SPATS2L: variants seen among roughly 807,000 people sequenced by gnomAD.
SPATS2L encodes spermatogenesis associated serine rich 2 like.
In SPATS2L, 30 loss-of-function variants were observed where a neutral mutation model predicts 59.6. The ratio of observed to expected loss-of-function variants is 0.50; its 90% CI spans 0.38 to 0.68. SPATS2L has a LOEUF of 0.68. SPATS2L is among the 30% of genes least tolerant of loss of function. SPATS2L has a pLI of 0.00. For missense variants in SPATS2L, 615 were observed against 700.0 expected, an observed-to-expected ratio of 0.88 and a Z score of 1.37; for synonymous variants, 252 against 263.5, an observed-to-expected ratio of 0.96 and a Z score of 0.42.
chr2:200,408,670 G>C (rs1262499703), intron 3 of SPATS2L, among the ~76,000 whole-genome samples: 2 of 152,218 alleles, frequency 1.3e-5, no homozygotes, highest in African/African-American at 4.8e-5. Flanking sequence ...CTCAGGTGCA[G>C]AGAAGGCAAG....
At chr2:200,328,931 C>G (rs1054264138) in intron 1 of SPATS2L, among the ~76,000 whole-genome samples, 2 of 152,126 alleles carry the variant, frequency 1.3e-5, no homozygotes, top group African/African-American at 2.4e-5. Context: ...GGTGAATAGT[C>G]CAGGCTCTGG....
At chr2:200,314,373 C>T (rs192906918) in intron 1 of SPATS2L, among the ~76,000 whole-genome samples, 3 of 152,300 alleles carry the variant, frequency 2.0e-5, no homozygotes, top group Non-Finnish European at 2.9e-5. Context: ...TGCCGTGGTT[C>T]GGGCCCTCAT....
At chr2:200,314,800 TGC>T (rs2079311356) in intron 1 of SPATS2L, among the ~76,000 whole-genome samples, 1 of 152,216 alleles carries the variant, frequency 6.6e-6, no homozygotes, top group African/African-American at 2.4e-5. Flanking sequence ...AGTTGAGATG[TGC>T]GTAAGTGTAA....
intron 8 of SPATS2L, among the ~76,000 whole-genome samples, chr2:200,448,107 TTATACTCC>T (rs2085175123): frequency 2.9e-4 from 44 of 151,908 alleles, no homozygotes; most frequent in Admixed American, 2.9e-3. Flanking sequence ...GATCATGCCA[TTATACTCC>T]AGGCTGGGCA....
At chr2:200,319,438 G>A (rs1559035774) in intron 1 of SPATS2L, among the ~76,000 whole-genome samples, 1 of 152,106 alleles carries the variant, frequency 6.6e-6, no homozygotes, top group Non-Finnish European at 1.5e-5. Flanking sequence ...GGTGGCGTAT[G>A]CCTGTAATCC....
rs373180926 is a variant in SPATS2L at position 200,472,782 on chromosome 2, C to T, written c.1061-50C>T. ...AGCGCTTCCTAATGGGTTACTGAGG[C>T]AGCAGTGTTGGAGGTGCAGCTCGTA... On this transcript the variant is annotated intron_variant, in intron 11 of 12. Coordinates refer to ENST00000409140, the MANE Select transcript of SPATS2L (RefSeq NM_001100423.2). The T allele has an allele frequency of 5.7e-5, 85 of 1,493,204 alleles. 2 individuals carry two copies. The Middle Eastern group carries it at 2.1e-3, about 36-fold the overall frequency. The allele number at this position is 1,493,204 out of a possible 1,614,324, so 92.5% of individuals were successfully genotyped here.
intron 2 of SPATS2L, among the ~76,000 whole-genome samples, chr2:200,345,453 G>C (rs2105830386): frequency 6.6e-6 from 1 of 151,966 alleles, no homozygotes; most frequent in African/African-American, 2.4e-5. Context: ...TGTGTGCTGT[G>C]ATTTTGAAAA....
At chr2:200,455,324 G>C (rs796909024) in intron 8 of SPATS2L, among the ~76,000 whole-genome samples, 49 of 152,342 alleles carry the variant, frequency 3.2e-4, no homozygotes, top group African/African-American at 1.1e-3. Context: ...AAGACCTGAA[G>C]GAGGACTCAG....
intron 2 of SPATS2L, among the ~76,000 whole-genome samples, chr2:200,386,253 T>A (rs1294347403): frequency 6.6e-6 from 1 of 152,044 alleles, no homozygotes; most frequent in Non-Finnish European, 1.5e-5. Flanking sequence ...AAGGAATGGG[T>A]CCCTGTAATT....
intron 8 of SPATS2L, among the ~76,000 whole-genome samples, chr2:200,449,423 G>A (rs565721801): frequency 3.9e-5 from 6 of 152,306 alleles, no homozygotes; most frequent in Middle Eastern, 3.4e-3. Context: ...AGTCAGCTCC[G>A]CTGGCACTGC....
At chr2:200,361,651 G>A (rs924214881) in intron 2 of SPATS2L, among the ~76,000 whole-genome samples, 19 of 152,278 alleles carry the variant, frequency 1.2e-4, no homozygotes, top group Admixed American at 2.0e-4. Context: ...TAAGTTGACC[G>A]CTAGATTTAC....
At chr2:200,459,906 C>T (rs761928543) in intron 9 of SPATS2L, 79 bp downstream of exon 9, 106 of 1,080,580 alleles carry the variant, frequency 9.8e-5, no homozygotes, top group East Asian at 4.9e-4. Flanking sequence ...ACAATGATAC[C>T]GGCTTCTGAA....
intron 6 of SPATS2L, among the ~76,000 whole-genome samples, chr2:200,433,026 G>T (rs2084042326): frequency 6.6e-6 from 1 of 152,028 alleles, no homozygotes; most frequent in Non-Finnish European, 1.5e-5. Flanking sequence ...GAAGGAGGAA[G>T]CTATGAAGAA....
intron 2 of SPATS2L, among the ~76,000 whole-genome samples, chr2:200,339,145 A>C (rs960512866): frequency 1.3e-5 from 2 of 152,250 alleles, no homozygotes; most frequent in Non-Finnish European, 1.5e-5. Context: ...GCAACAACAC[A>C]TGTTATTATT....
At chr2:200,460,213 A>G (rs891369424) in intron 9 of SPATS2L, among the ~76,000 whole-genome samples, 9 of 152,236 alleles carry the variant, frequency 5.9e-5, no homozygotes, top group African/African-American at 2.2e-4. Flanking sequence ...TAAAACTTAC[A>G]AATCTCATCA....
At chr2:200,401,339 T>G (rs1423232203) in intron 3 of SPATS2L, among the ~76,000 whole-genome samples, 3 of 152,046 alleles carry the variant, frequency 2.0e-5, no homozygotes, top group Non-Finnish European at 4.4e-5. Flanking sequence ...GAAAAATAGA[T>G]TGTTGTTCTG....
At chr2:200,407,504 T>A (rs994065884) in intron 3 of SPATS2L, among the ~76,000 whole-genome samples, 2 of 152,208 alleles carry the variant, frequency 1.3e-5, no homozygotes, top group Non-Finnish European at 2.9e-5. Context: ...AGCAGAACTG[T>A]ATCTAGTTTT....
intron 12 of SPATS2L, among the ~76,000 whole-genome samples, chr2:200,477,331 A>G (rs1396371357): frequency 6.6e-6 from 1 of 152,092 alleles, no homozygotes; most frequent in African/African-American, 2.4e-5. Flanking sequence ...ATTCTGCTAT[A>G]GTTTAAGCAT....
chr2:200,325,304 G>T (rs886420395), intron 1 of SPATS2L, among the ~76,000 whole-genome samples: 7 of 152,172 alleles, frequency 4.6e-5, no homozygotes, highest in Non-Finnish European at 8.8e-5. Context: ...CCCATTCAAA[G>T]GATTTTTGAG....
Sources: gnomAD v4.1 joint callset for allele counts (sites outside exome capture counted in the v4.1 genomes callset) on GRCh38, gnomAD v4.1.1 for gene constraint, MANE v1.5 for transcripts, NCBI Gene and HGNC (gene_info 2026-07-23, HGNC 2026-07-21) for gene names.